The following ADGB variants were observed in gnomAD, a reference collection of about 807,000 sequenced individuals.
ADGB encodes the protein androglobin, also known as calpain-7-like protein.
ADGB carries 172 observed loss-of-function variants against 210.5 expected under a neutral mutation model. That is an observed-to-expected ratio of 0.82 (90% CI 0.72 to 0.93). The LOEUF is 0.93. ADGB is among the 40% of genes least tolerant of loss of function. The pLI is 0.00. For synonymous variants in ADGB, 658 were observed against 662.7 expected, an observed-to-expected ratio of 0.99 and a Z score of 0.11; for missense variants, 2,025 against 1,964.8, an observed-to-expected ratio of 1.03 and a Z score of -0.58.
chr6:146,624,771 C>A (rs914454714), intron 1 of ADGB, among the ~76,000 whole-genome samples: 15 of 151,876 alleles, frequency 9.9e-5, no homozygotes, highest in African/African-American at 3.4e-4. Context: ...TTTTAATTTG[C>A]TGTGTTTTCA....
chr6:146,736,812 T>G (rs1209805658), intron 23 of ADGB, among the ~76,000 whole-genome samples: 1 of 152,260 alleles, frequency 6.6e-6, no homozygotes, highest in East Asian at 1.9e-4. Flanking sequence ...GCAGAAAACC[T>G]CTAGGAGCAG....
chr6:146,688,775 G>A (rs768589060), intron 10 of ADGB, among the ~76,000 whole-genome samples: 16 of 152,058 alleles, frequency 1.1e-4, no homozygotes, highest in Non-Finnish European at 1.8e-4. Context: ...AGAATATAAT[G>A]GAGATACAAT....
chr6:146,775,793 C>A (rs983861574), intron 29 of ADGB, among the ~76,000 whole-genome samples: 1 of 151,618 alleles, frequency 6.6e-6, no homozygotes, highest in Non-Finnish European at 1.5e-5. Context: ...GGAAACCAAA[C>A]ATTATTAAAT....
At chr6:146,750,025 CG>C (rs1207197743) in intron 26 of ADGB, among the ~76,000 whole-genome samples, 1 of 152,012 alleles carries the variant, frequency 6.6e-6, no homozygotes, top group Non-Finnish European at 1.5e-5. Flanking sequence ...ACCATATCAC[CG>C]GTGTTGCTGA....
intron 1 of ADGB, among the ~76,000 whole-genome samples, chr6:146,600,924 GCGCACACACA>G (rs1449822219): frequency 0.017 from 827 of 47,574 alleles, 13 homozygotes; most frequent in East Asian, 0.095. Context: ...CCTCCCCCAT[GCGCACACACA>G]CACACACACA....
Position 146,644,773 on chromosome 6 carries a change from C to A in ADGB, c.238C>A (p.His80Asn), listed in dbSNP as rs1011759708. The A allele has an allele frequency of 3.5e-6, 5 of 1,436,996 alleles. No homozygotes were observed. The highest frequency in any genetic ancestry group is 1.5e-5 in the South Asian group (1 of 64,558). The allele number at this position is 1,436,996 out of a possible 1,614,324, so 89.0% of individuals were successfully genotyped here. A position where few individuals can be genotyped will look rare whatever the true frequency, so the allele number is the denominator to read the frequency against. Residue 80 changes from histidine (H) to asparagine (N), a missense_variant and splice_region_variant, in exon 3 of 36, where the codon CAT (histidine) becomes AAT (asparagine). His to Asn is a moderately conservative substitution (Grantham distance 68, BLOSUM62 1). Coordinates refer to ENST00000397944, the MANE Select transcript of ADGB (RefSeq NM_024694.4). Reference sequence around the variant, plus strand: ...AAAAACTCAATTTATTTTTATATAGCATTTTTTTGAGGACCCTGAAGGAAA... The same window carrying A: ...AAAAACTCAATTTATTTTTATATAGAATTTTTTTGAGGACCCTGAAGGAAA... Reference protein sequence around the residue: ...KDKTGKSPVFHFFEDPEGKIE... With the variant: ...KDKTGKSPVFNFFEDPEGKIE...
At position 146,655,751 on chromosome 6, in the gene ADGB, GAAGGA is replaced by G. The variant is rs1349258236; in HGVS notation, c.403-1016_403-1012del. 4.6e-5 allele frequency among the ~76,000 whole-genome samples: 7 copies of G among 151,994 alleles called. No individual in the cohort carries two copies. The East Asian group carries it at 1.4e-3, about 29-fold the overall frequency. On this transcript the variant is annotated intron_variant, in intron 4 of 35. Coordinates refer to ENST00000397944, the MANE Select transcript of ADGB (RefSeq NM_024694.4). ...GACTTTCGCTTTTCATTTTTCAAGG[GAAGGA>G]AAGTATAAAATATTCTACAATAAAT...
In ADGB at chr6:146,769,098, G is replaced by C. The variant is rs774724916; in HGVS notation, c.3829G>C (p.Ala1277Pro). 30 of 1,527,494 alleles carry C rather than the reference G, an allele frequency of 2.0e-5. 1 individual carries two copies. The highest frequency in any genetic ancestry group is 2.3e-5 in the Non-Finnish European group (26 of 1,130,228). The allele number at this position is 1,527,494 out of a possible 1,614,324, so 94.6% of individuals were successfully genotyped here. A position where few individuals can be genotyped will look rare whatever the true frequency, so the allele number is the denominator to read the frequency against. ...TGAAAGCCAGCTGACATTTGTTCAAGCACTGAAAGACTTAAAGAAAAGTAA... is the reference window on the plus strand; with the variant it reads ...TGAAAGCCAGCTGACATTTGTTCAACCACTGAAAGACTTAAAGAAAAGTAA... ...LTESQLTFVQ[A>P]LKDLKKSNTK... The change falls in exon 29 of 36, where the codon GCA becomes CCA. Residue 1277 changes from alanine to proline, a missense_variant. Physicochemically the swap from Ala to Pro is conservative, Grantham distance 27. Coordinates refer to ENST00000397944, the MANE Select transcript of ADGB (RefSeq NM_024694.4).
intron 9 of ADGB, among the ~76,000 whole-genome samples, chr6:146,682,798 A>G (rs1477673635): frequency 1.3e-5 from 2 of 152,144 alleles, no homozygotes; most frequent in Non-Finnish European, 2.9e-5. Context: ...GGCCCTTTAG[A>G]CCCTTTACAA....
chr6:146,639,328 G>A (rs1775473095), intron 2 of ADGB: 1 of 151,840 alleles, frequency 6.6e-6, no homozygotes, highest in South Asian at 2.1e-4. Flanking sequence ...GGTGCAAATG[G>A]GAAATGGTTA....
At position 146,715,381 on chromosome 6, in the gene ADGB, G is replaced by A. The variant is rs1384624435; in HGVS notation, c.1708-1G>A. 2.0e-6 allele frequency: 3 copies of A among 1,502,896 alleles called. No individual in the cohort carries two copies. The highest frequency in any genetic ancestry group is 1.8e-6 in the Non-Finnish European group (2 of 1,124,358). The allele number at this position is 1,502,896 out of a possible 1,614,324, so 93.1% of individuals were successfully genotyped here. A position where few individuals can be genotyped will look rare whatever the true frequency, so the allele number is the denominator to read the frequency against. On this transcript the variant is annotated splice_acceptor_variant, in intron 13 of 35. Transcript: ENST00000397944. LOFTEE classifies it high-confidence loss of function. ...CAAAGTGTGTTTCTTTTAATTCATAGGGAAATACTGCTTCACAAGTTATAC... is the reference window on the plus strand; with the variant it reads ...CAAAGTGTGTTTCTTTTAATTCATAAGGAAATACTGCTTCACAAGTTATAC...
At chr6:146,722,364 C>T (rs1776830943) in intron 17 of ADGB, among the ~76,000 whole-genome samples, 1 of 152,104 alleles carries the variant, frequency 6.6e-6, no homozygotes, top group Non-Finnish European at 1.5e-5. Context: ...GCCACTTTTT[C>T]TCTGTCCATC....
intron 27 of ADGB, 95 bp downstream of exon 27, chr6:146,752,809 C>A: frequency 1.7e-6 from 2 of 1,199,514 alleles, no homozygotes; most frequent in Non-Finnish European, 2.2e-6. Flanking sequence ...AGCAAGTAAC[C>A]ACTTAAATTA....
At chr6:146,755,434 A>G (rs923381263) in intron 27 of ADGB, among the ~76,000 whole-genome samples, 1 of 152,066 alleles carries the variant, frequency 6.6e-6, no homozygotes, top group Non-Finnish European at 1.5e-5. Flanking sequence ...CGGGATAGTA[A>G]GTGAGTTCTC....
intron 14 of ADGB, among the ~76,000 whole-genome samples, chr6:146,716,323 G>T (rs1776732960): frequency 6.8e-6 from 1 of 146,888 alleles, no homozygotes; most frequent in Non-Finnish European, 1.5e-5. Context: ...CGGGCGCGGT[G>T]GCTCACGCCT....
chr6:146,712,950 C>A (rs1776680543), intron 13 of ADGB, among the ~76,000 whole-genome samples: 1 of 151,584 alleles, frequency 6.6e-6, no homozygotes, highest in Non-Finnish European at 1.5e-5. Context: ...ATTCCACTTT[C>A]TGTGCCTATA....
chr6:146,665,027 A>T, intron 6 of ADGB, among the ~76,000 whole-genome samples: 1 of 152,072 alleles, frequency 6.6e-6, no homozygotes, highest in African/African-American at 2.4e-5. Context: ...TTGGAAATGC[A>T]TGGCAATTTT....
At chr6:146,644,623 C>G (rs1775578639) in intron 2 of ADGB, 150 bp from the exon 3 acceptor site, 2 of 471,496 alleles carry the variant, frequency 4.2e-6, no homozygotes, top group East Asian at 6.9e-5. Context: ...TTTAAATACT[C>G]CATGAATTAG....
intron 35 of ADGB, among the ~76,000 whole-genome samples, chr6:146,806,768 C>A (rs1478586659): frequency 2.6e-5 from 4 of 152,152 alleles, no homozygotes; most frequent in South Asian, 4.1e-4. Flanking sequence ...AAGGAGAAAT[C>A]AGTGAAGGTG....
Sources: gnomAD v4.1 joint callset for allele counts (sites outside exome capture counted in the v4.1 genomes callset) on GRCh38, gnomAD v4.1.1 for gene constraint, MANE v1.5 for transcripts, NCBI Gene and HGNC (gene_info 2026-07-23, HGNC 2026-07-21) for gene names.